Variants in NCBP2 observed in about 807,000 individuals in gnomAD.
NCBP2 encodes nuclear cap-binding protein subunit 2.
In NCBP2, 8 loss-of-function variants were observed where a neutral mutation model predicts 21.5. That is an observed-to-expected ratio of 0.37 (90% confidence interval 0.22 to 0.67). The LOEUF (loss-of-function observed/expected upper bound fraction) is 0.67. NCBP2 is among the 30% of genes least tolerant of loss of function. The pLI is 0.56. For synonymous variants in NCBP2, 92 were observed against 75.8 expected (o/e 1.21, Z -1.11); for missense variants, 127 against 206.9 (o/e 0.61, Z 2.37).
At chr3:196,937,401 T>A in intron 3 of NCBP2, 109 bp downstream of exon 3, 1 of 1,515,168 alleles carries the variant, frequency 6.6e-7, no homozygotes, top group African/African-American at 1.4e-5. Flanking sequence ...CAAGCCAAGG[T>A]TATAGACACA....
chr3:196,941,692 C>A, intron 1 of NCBP2: 4 of 550,568 alleles, frequency 7.3e-6, no homozygotes, highest in Non-Finnish European at 1.3e-5. Flanking sequence ...CAACCCCCAA[C>A]CGTATTCCAT....
intron 2 of NCBP2, chr3:196,938,869 A>G (rs1159011360): frequency 6.1e-6 from 1 of 165,168 alleles, no homozygotes; most frequent in Non-Finnish European, 1.3e-5. Context: ...AAAACAGCAC[A>G]TGAAATACAC....
Position 196,937,403 on chromosome 3 carries a change from A to AT in NCBP2, c.399+106dup. 2.0e-6 allele frequency: 3 copies of AT among 1,522,008 alleles called. No homozygotes were observed. In the South Asian group the frequency reaches 3.6e-5, roughly 19 times the overall value. The allele number at this position is 1,522,008 out of a possible 1,614,324, so 94.3% of individuals were successfully genotyped here. A position where few individuals can be genotyped will look rare whatever the true frequency, so the allele number is the denominator to read the frequency against. On this transcript the variant is annotated intron_variant, in intron 3 of 3. Transcript: ENST00000321256. ...TTCAGATCCACTTCAAGCCAAGGTT[A>AT]TAGACACAAAGTTATTTACAAAAGA...
rs1250612343 is a variant in NCBP2 at position 196,936,077 on chromosome 3, AGT to A, written c.*932_*933del. On this transcript the variant is annotated 3_prime_UTR_variant, in exon 4 of 4. Transcript: ENST00000321256. ...AACTTGCTGGTCCTCATGTCAAGGC[AGT>A]GTTTTCATTGTCTCTTGATATTTTA... The A allele has an allele frequency of 6.6e-6, 1 of 152,232 alleles. No homozygotes were observed. The highest frequency in any genetic ancestry group is 6.5e-5 in the Admixed American group (1 of 15,272). 9.4% of individuals were successfully genotyped at this position (152,232 alleles called of 1,614,324 possible). A position where few individuals can be genotyped will look rare whatever the true frequency, so the allele number is the denominator to read the frequency against.
At chr3:196,942,279 A>G (rs1716629357) in intron 1 of NCBP2, 147 bp downstream of exon 1, 2 of 1,504,056 alleles carry the variant, frequency 1.3e-6, no homozygotes, top group Non-Finnish European at 1.8e-6. Context: ...TCCAGCACCC[A>G]TTCCCTGCCT....
At chr3:196,941,560 G>A (rs889081448) in intron 1 of NCBP2, 1 of 330,698 alleles carries the variant, frequency 3.0e-6, no homozygotes, top group Non-Finnish European at 5.6e-6. Context: ...CACTACAGGG[G>A]ATTATGAGCT....
chr3:196,937,042 C>G lies in NCBP2; in HGVS notation c.440G>C (p.Gly147Ala), dbSNP rs775717046. The G allele has an allele frequency of 6.2e-7, 1 of 1,614,162 alleles. No homozygotes were observed. Among genetic ancestry groups the G allele is most frequent in the South Asian group, 1.1e-5 (1 of 91,076 alleles). The part of the protein sequence containing the change: ...EYRQDYDAGR[G>A]GYGKLAQNQ Reference sequence around the variant, plus strand: ...GTTCTGTGCCAGTTTTCCATAGCCTCCTCTCCCAGCATCGTAGTCCTGCCG... The same window carrying G: ...GTTCTGTGCCAGTTTTCCATAGCCTGCTCTCCCAGCATCGTAGTCCTGCCG... Residue 147 changes from glycine (G) to alanine (A), a missense_variant, in exon 4 of 4, where the codon GGA becomes GCA. Physicochemically the swap from Gly to Ala is moderately conservative, Grantham distance 60. Transcript: ENST00000321256.
chr3:196,936,440 G>GT lies in NCBP2; in HGVS notation c.*570dup, dbSNP rs1368488905. On this transcript the variant is annotated 3_prime_UTR_variant, in exon 4 of 4. Coordinates refer to ENST00000321256, the MANE Select transcript of NCBP2 (RefSeq NM_007362.5). ...ACAACATAGCACAACTCCATTTGTT[G>GT]TTTTTCGTTGTGCTTTGTAGAGACG... is the stretch of plus-strand genomic sequence containing the variant. The GT allele has an allele frequency of 6.5e-6, 1 of 153,804 alleles. No individual in the cohort carries two copies. The highest frequency in any genetic ancestry group is 2.4e-5 in the African/African-American group (1 of 41,418). 9.5% of individuals were successfully genotyped at this position (153,804 alleles called of 1,614,324 possible).
chr3:196,937,469 A>C (rs749798269), intron 3 of NCBP2, 41 bp downstream of exon 3: 2 of 1,608,560 alleles, frequency 1.2e-6, no homozygotes, highest in African/African-American at 2.7e-5. Context: ...TGTGACTGGA[A>C]TCCCAGGCAA....
Position 196,938,992 on chromosome 3 carries a change from C to A in NCBP2, c.260+259G>T, listed in dbSNP as rs1577863211. The stretch of plus-strand genomic sequence containing the variant: ...ACAGTACGAGATTTTTATATTTTCA[C>A]TACATTCTTTGGAATTTTTTTTTTT... On this transcript the variant is annotated intron_variant, in intron 2 of 3. Coordinates refer to ENST00000321256, the MANE Select transcript of NCBP2 (RefSeq NM_007362.5). The A allele has an allele frequency of 1.1e-5, 4 of 361,846 alleles. No homozygotes were observed. In the East Asian group the frequency reaches 1.4e-4, roughly 13 times the overall value. The allele number at this position is 361,846 out of a possible 1,614,324, so 22.4% of individuals were successfully genotyped here. A position where few individuals can be genotyped will look rare whatever the true frequency, so the allele number is the denominator to read the frequency against.
At chr3:196,942,005 A>T in intron 1 of NCBP2, 1 of 1,536,160 alleles carries the variant, frequency 6.5e-7, no homozygotes, top group Non-Finnish European at 8.7e-7. Context: ...TGCTTCGCCG[A>T]TTTAAAAAAC....
intron 2 of NCBP2, chr3:196,938,583 C>T (rs1257086817): frequency 6.6e-6 from 1 of 152,196 alleles, no homozygotes; most frequent in Non-Finnish European, 1.5e-5. Flanking sequence ...TGTACCTATA[C>T]AGTCAGGTTA....
rs527572073 is a variant in NCBP2, at chr3:196,942,142, C to A, written c.78+284G>T. The A allele has an allele frequency of 3.4e-6, 5 of 1,465,304 alleles. No individual in the cohort carries two copies. The African/African-American group carries it at 7.1e-5, about 21-fold the overall frequency. 90.8% of individuals were successfully genotyped at this position (1,465,304 alleles called of 1,614,324 possible). A position where few individuals can be genotyped will look rare whatever the true frequency, so the allele number is the denominator to read the frequency against. On this transcript the variant is annotated intron_variant, in intron 1 of 3. Transcript: ENST00000321256. ...CAACCGTGGAAACGGGAGCCGCCACCACCACCACCGCTCAAACCTCTCGGC... is the reference window on the plus strand; with the variant it reads ...CAACCGTGGAAACGGGAGCCGCCACAACCACCACCGCTCAAACCTCTCGGC...
chr3:196,942,252 T>G, intron 1 of NCBP2, 174 bp downstream of exon 1: 1 of 1,476,962 alleles, frequency 6.8e-7, no homozygotes. Context: ...GTGGCTTCAG[T>G]GATATCCAAG....
Position 196,936,608 on chromosome 3 carries a change from CTTAAAA to C in NCBP2, c.*397_*402del, listed in dbSNP as rs150596217. ...CATTTATTAGGCTATCTCATGCAAA[CTTAAAA>C]TTAAAAAAATAATCCCAGGCCCCAA... On this transcript the variant is annotated 3_prime_UTR_variant, in exon 4 of 4. Transcript: ENST00000321256. 1,418 of 176,938 alleles carry C rather than the reference CTTAAAA, an allele frequency of 8.0e-3. 17 individuals carry two copies. Among genetic ancestry groups the C allele is most frequent in the African/African-American group, 0.032 (1,339 of 41,870 alleles). 11.0% of individuals were successfully genotyped at this position (176,938 alleles called of 1,614,324 possible).
intron 2 of NCBP2, chr3:196,939,039 T>C: frequency 2.2e-6 from 1 of 451,036 alleles, no homozygotes; most frequent in Non-Finnish European, 3.9e-6. Context: ...GCAAACATTC[T>C]TGAAAAACTT....
intron 2 of NCBP2, chr3:196,938,983 A>G (rs555582): frequency 0.54 from 196,979 of 366,514 alleles, 55,408 homozygotes; most frequent in East Asian, 0.81. Flanking sequence ...CGAGATTTTT[A>G]TATTTTCACT....
At chr3:196,942,024 A>G (rs1716609279) in intron 1 of NCBP2, 3 of 1,535,758 alleles carry the variant, frequency 2.0e-6, no homozygotes. Context: ...ACAAAGCAAA[A>G]AGCCCCGCAT....
rs1488896344 is a variant in NCBP2 at position 196,939,248 on chromosome 3, T to C, written c.260+3A>G. ...AGCTACATTAGATCCATGGGAAGGA[T>C]ACTCCACAAAACAGAATCCACATGC... is the stretch of plus-strand genomic sequence containing the variant. On this transcript the variant is annotated splice_donor_region_variant and intron_variant, in intron 2 of 3. Transcript: ENST00000321256. 2.5e-6 allele frequency: 4 copies of C among 1,612,190 alleles called. No individual in the cohort carries two copies. The highest frequency in any genetic ancestry group is 1.1e-5 in the South Asian group (1 of 91,028).
Sources: allele counts gnomAD v4.1 joint callset, GRCh38; gene constraint gnomAD v4.1.1; transcripts MANE v1.5; gene names NCBI Gene and HGNC (gene_info 2026-07-23, HGNC 2026-07-21).